The following ATP11B variants were observed in gnomAD, a reference collection of about 807,000 sequenced individuals.
ATP11B encodes phospholipid-transporting ATPase IF.
ATP11B carries 81 observed loss-of-function variants against 157.8 expected under a neutral mutation model. That is an observed-to-expected ratio of 0.51 (90% CI 0.43 to 0.62). The LOEUF (loss-of-function observed/expected upper bound fraction) is 0.62. Ranked by LOEUF, ATP11B falls within the 20% of genes least tolerant of loss-of-function variation. ATP11B has a pLI of 0.00. For missense variants in ATP11B, 1,165 were observed against 1,402.2 expected, an observed-to-expected ratio of 0.83 and a Z score of 2.70; for synonymous variants, 451 against 469.4, an observed-to-expected ratio of 0.96 and a Z score of 0.51.
chr3:182,897,001 T>G (rs1310486671), intron 26 of ATP11B, among the ~76,000 whole-genome samples: 1 of 152,166 alleles, frequency 6.6e-6, no homozygotes, highest in African/African-American at 2.4e-5. Context: ...CTCTAAAAAT[T>G]TTGCTTCTCT....
Position 182,872,493 on chromosome 3 carries a change from A to G in ATP11B, c.2004A>G (p.Ile668Met), listed in dbSNP as rs368746492. 4 of 1,613,996 alleles carry G rather than the reference A, an allele frequency of 2.5e-6. No homozygotes were observed. The highest frequency in any genetic ancestry group is 1.1e-5 in the South Asian group (1 of 91,080). ...AATTGGCAGCTGTTTTCCAGTTCAT[A>G]GAGAAAGACCTGATATTACTTGGAG... ...EEKLAAVFQF[I>M]EKDLILLGAT... The change falls in exon 18 of 30, where the codon ATA becomes ATG. Residue 668 changes from isoleucine (I) to methionine (M), a missense_variant. Ile to Met is a conservative substitution (Grantham distance 10, BLOSUM62 1). This residue lies in a region of ATP11B where 737 missense variants were observed against 930.5 expected (regional missense o/e 0.79). Transcript: ENST00000323116.
At chr3:182,875,315 T>G (rs1721950130) in intron 19 of ATP11B, among the ~76,000 whole-genome samples, 1 of 152,242 alleles carries the variant, frequency 6.6e-6, no homozygotes, top group Non-Finnish European at 1.5e-5. Context: ...CAGTGTTTTC[T>G]ATTTATATTT....
chr3:182,841,013 G>A (rs1261651883), intron 7 of ATP11B, among the ~76,000 whole-genome samples: 2 of 149,724 alleles, frequency 1.3e-5, no homozygotes, highest in African/African-American at 4.9e-5. Context: ...TTTCTTCTCT[G>A]CCCTGTTTGC....
intron 1 of ATP11B, among the ~76,000 whole-genome samples, chr3:182,797,219 T>G (rs972300529): frequency 1.3e-5 from 2 of 152,216 alleles, no homozygotes; most frequent in Admixed American, 6.5e-5. Flanking sequence ...TCTCTTTACT[T>G]TTTCTCTTAA....
rs558204280 is a variant in ATP11B at position 182,847,373 on chromosome 3, GTTTAC to G, written c.770-1098_770-1094del. Among the ~76,000 whole-genome samples, 703 of 152,246 alleles carry G rather than the reference GTTTAC, an allele frequency of 4.6e-3. 8 individuals are homozygous for G. Among genetic ancestry groups the G allele is most frequent in the African/African-American group, 0.015 (629 of 41,530 alleles). On this transcript the variant is annotated intron_variant, in intron 9 of 29. Coordinates refer to ENST00000323116, the MANE Select transcript of ATP11B (RefSeq NM_014616.3). ...TTCTAGTAGTAACTTCGTCACTCCT[GTTTAC>G]TTTAAAGTAAACCATAATGAATGGG...
Position 182,837,073 on chromosome 3 carries a change from A to G in ATP11B, c.555A>G (p.Thr185=), listed in dbSNP as rs1370952458. 1 of 1,610,274 alleles carries G rather than the reference A, an allele frequency of 6.2e-7. No individual in the cohort carries two copies. The highest frequency in any genetic ancestry group is 8.5e-7 in the Non-Finnish European group (1 of 1,177,908). The stretch of plus-strand genomic sequence containing the variant: ...ACAGTTTAATTCATTTTTTTCAGAC[A>G]CATGTGGCAGTTCCAGAAACAGCAT... ...ASLDGETNLK[T]HVAVPETALL... is the part of the protein sequence containing the mutation. Residue 185 remains threonine (T), a splice_region_variant and synonymous_variant, in exon 7 of 30, where the codon ACA becomes ACG. Transcript: ENST00000323116.
chr3:182,912,728 G>A (rs1048719755), intron 28 of ATP11B, among the ~76,000 whole-genome samples: 4 of 152,206 alleles, frequency 2.6e-5, no homozygotes, highest in South Asian at 2.1e-4. Flanking sequence ...CATCACGTCC[G>A]TCTCTTCTGT....
At chr3:182,844,997 T>TA (rs1719368458) in intron 8 of ATP11B, among the ~76,000 whole-genome samples, 1 of 120,332 alleles carries the variant, frequency 8.3e-6, no homozygotes, top group African/African-American at 3.5e-5. Context: ...TTTTTTTATT[T>TA]TTTTTTTTAT....
At chr3:182,805,361 C>T (rs146071358) in intron 1 of ATP11B, among the ~76,000 whole-genome samples, 3 of 152,204 alleles carry the variant, frequency 2.0e-5, no homozygotes, top group African/African-American at 7.2e-5. Flanking sequence ...TTGGTTTGTG[C>T]TTCCCTAATG....
At chr3:182,882,476 A>G (rs909974539) in intron 21 of ATP11B, among the ~76,000 whole-genome samples, 3 of 151,786 alleles carry the variant, frequency 2.0e-5, no homozygotes, top group Non-Finnish European at 4.4e-5. Flanking sequence ...TATTTAGTAG[A>G]AAAAAAATGG....
chr3:182,894,001 A>T (rs1163621305), intron 25 of ATP11B, among the ~76,000 whole-genome samples: 4 of 152,098 alleles, frequency 2.6e-5, no homozygotes, highest in Non-Finnish European at 5.9e-5. Context: ...TTGCCTATTC[A>T]TGTCCTTAGG....
In ATP11B at chr3:182,912,572, G is replaced by GT. The variant is rs537306171; in HGVS notation, c.3319-1288dup. On this transcript the variant is annotated intron_variant, in intron 28 of 29. Coordinates refer to ENST00000323116, the MANE Select transcript of ATP11B (RefSeq NM_014616.3). ...ACAAGTCAAGTTTGGCTCTTTCTCA[G>GT]TGCTTAGCTGATCCTAGGACACTGT... Among the ~76,000 whole-genome samples the GT allele has an allele frequency of 3.9e-5, 6 of 152,138 alleles. No homozygotes were observed. The East Asian group carries it at 1.2e-3, about 29-fold the overall frequency.
intron 17 of ATP11B, among the ~76,000 whole-genome samples, chr3:182,869,726 CTA>C (rs1482527200): frequency 1.3e-5 from 2 of 152,190 alleles, no homozygotes; most frequent in Admixed American, 6.5e-5. Context: ...CATTGAGTTA[CTA>C]TATGACACAG....
At chr3:182,905,742 G>A (rs1166940433) in intron 28 of ATP11B, 1 of 456,546 alleles carries the variant, frequency 2.2e-6, no homozygotes, top group South Asian at 1.5e-5. Flanking sequence ...CCTCTATATG[G>A]TGAAGAGTAT....
chr3:182,916,980 A>G (rs937366569), intron 29 of ATP11B: 11 of 984,228 alleles, frequency 1.1e-5, no homozygotes, highest in Non-Finnish European at 1.3e-5. Context: ...TATATGTCAG[A>G]CACAGTTCTA....
At chr3:182,881,559 TC>T (rs1423525239) in intron 21 of ATP11B, among the ~76,000 whole-genome samples, 1 of 152,036 alleles carries the variant, frequency 6.6e-6, no homozygotes, top group Non-Finnish European at 1.5e-5. Flanking sequence ...AAAAGAAACT[TC>T]CTATAATTAA....
intron 1 of ATP11B, among the ~76,000 whole-genome samples, chr3:182,816,881 T>C (rs1358715595): frequency 1.3e-5 from 2 of 152,248 alleles, no homozygotes; most frequent in South Asian, 2.1e-4. Flanking sequence ...CTTTTATTTT[T>C]ATTTAGATTG....
chr3:182,864,395 A>G (rs1721076163), intron 12 of ATP11B, among the ~76,000 whole-genome samples: 1 of 152,100 alleles, frequency 6.6e-6, no homozygotes, highest in Admixed American at 6.5e-5. Context: ...AGTTTTTTAT[A>G]GATACCCTTT....
chr3:182,840,433 A>T (rs756941713), intron 7 of ATP11B, among the ~76,000 whole-genome samples: 85 of 152,262 alleles, frequency 5.6e-4, no homozygotes, highest in Non-Finnish European at 9.7e-4. Context: ...AAGACTGTCT[A>T]CATGCTGCTG....
Sources: gnomAD v4.1 joint callset for allele counts (sites outside exome capture counted in the v4.1 genomes callset) on GRCh38, gnomAD v4.1.1 for gene constraint, gnomAD v4.1.1 regional missense constraint, MANE v1.5 for transcripts, NCBI Gene and HGNC (gene_info 2026-07-23, HGNC 2026-07-21) for gene names.